CACNA2D3: variants seen among roughly 807,000 people sequenced by gnomAD.
CACNA2D3 encodes voltage-dependent calcium channel subunit alpha-2/delta-3.
In CACNA2D3, 60 loss-of-function variants were observed where a neutral mutation model predicts 160.6. The ratio of observed to expected loss-of-function variants is 0.37; its 90% CI spans 0.30 to 0.46. The LOEUF (loss-of-function observed/expected upper bound fraction) is 0.46, where lower values mean the gene tolerates loss of function less well. CACNA2D3 is among the 20% of genes least tolerant of loss of function. The pLI, the probability that CACNA2D3 is intolerant of heterozygous loss-of-function variation, is 1.00. For synonymous variants in CACNA2D3, 558 were observed against 492.9 expected (o/e 1.13, Z -1.75); for missense variants, 1,205 against 1,365.0 (o/e 0.88, Z 1.85).
intron 3 of CACNA2D3, among the ~76,000 whole-genome samples, chr3:54,379,602 A>C (rs1194522074): frequency 1.3e-5 from 2 of 152,180 alleles, no homozygotes; most frequent in Non-Finnish European, 2.9e-5. Context: ...TCATCCAGTC[A>C]TTGTTGTGGC....
intron 10 of CACNA2D3, among the ~76,000 whole-genome samples, chr3:54,629,332 T>A (rs1481660804): frequency 2.0e-5 from 3 of 152,046 alleles, no homozygotes; most frequent in African/African-American, 7.2e-5. Context: ...TACACCTGAC[T>A]CCAAAACTTG....
intron 35 of CACNA2D3, among the ~76,000 whole-genome samples, chr3:55,027,365 CTGT>C (rs982299495): frequency 7.2e-5 from 11 of 152,100 alleles, no homozygotes; most frequent in African/African-American, 2.4e-4. Context: ...ATTTATGAAG[CTGT>C]TGTTTGGCAT....
intron 29 of CACNA2D3, among the ~76,000 whole-genome samples, chr3:54,970,306 C>G (rs569770787): frequency 8.1e-4 from 123 of 152,222 alleles, no homozygotes; most frequent in African/African-American, 2.8e-3. Flanking sequence ...AACAAAAAAC[C>G]TAGGAGTTAA....
intron 4 of CACNA2D3, 44 bp downstream of exon 4, chr3:54,386,818 G>T (rs369420983): frequency 5.9e-5 from 90 of 1,520,862 alleles, no homozygotes; most frequent in Non-Finnish European, 1.2e-5. Flanking sequence ...TGTGTTTCCT[G>T]CCAAAGGACA....
chr3:54,531,310 A>T (rs1701802515), intron 5 of CACNA2D3, among the ~76,000 whole-genome samples: 1 of 152,234 alleles, frequency 6.6e-6, no homozygotes. Context: ...TCAGAATTAC[A>T]GGTAGTCCTG....
rs950002501 is a variant in CACNA2D3 at position 55,065,400 on chromosome 3, C to T, written c.2988-8045C>T. Among the ~76,000 whole-genome samples, 3 of 152,312 alleles carry T rather than the reference C, an allele frequency of 2.0e-5. No individual in the cohort carries two copies. The South Asian group carries it at 6.2e-4, about 32-fold the overall frequency. ...CCCAACCCCCTACTCCCACTCCAAG[C>T]TTATTTGGCTTAGAAAACGGGCCTG... is the stretch of plus-strand genomic sequence containing the variant. On this transcript the variant is annotated intron_variant, in intron 35 of 37. Coordinates refer to ENST00000474759, the MANE Select transcript of CACNA2D3 (RefSeq NM_018398.3).
chr3:54,759,625 G>A (rs73074128), intron 12 of CACNA2D3, among the ~76,000 whole-genome samples: 4,906 of 152,114 alleles, frequency 0.032, 120 homozygotes, highest in Non-Finnish European at 0.05. Flanking sequence ...TGCATCCCTG[G>A]TCTACATAGT....
At chr3:54,685,869 A>G (rs1310251602) in intron 11 of CACNA2D3, among the ~76,000 whole-genome samples, 2 of 152,166 alleles carry the variant, frequency 1.3e-5, no homozygotes, top group Admixed American at 6.5e-5. Context: ...CTTTCCTACT[A>G]TAATCATTAA....
intron 13 of CACNA2D3, among the ~76,000 whole-genome samples, chr3:54,803,895 A>G (rs1298576728): frequency 1.3e-5 from 2 of 152,244 alleles, no homozygotes; most frequent in Non-Finnish European, 2.9e-5. Context: ...AGTGGGGGCC[A>G]ATATTCAACA....
chr3:54,129,750 T>C (rs771103338), intron 2 of CACNA2D3, among the ~76,000 whole-genome samples: 2 of 152,188 alleles, frequency 1.3e-5, no homozygotes, highest in Admixed American at 6.5e-5. Flanking sequence ...ACCTCGAGTT[T>C]TCCATTTTAG....
chr3:54,634,940 G>A (rs1699332222), intron 10 of CACNA2D3, among the ~76,000 whole-genome samples: 1 of 152,004 alleles, frequency 6.6e-6, no homozygotes, highest in Non-Finnish European at 1.5e-5. Context: ...TGACATTCCT[G>A]CCTTCTTAAT....
At chr3:54,879,716 A>C (rs1312940222) in intron 20 of CACNA2D3, among the ~76,000 whole-genome samples, 1 of 152,212 alleles carries the variant, frequency 6.6e-6, no homozygotes, top group Admixed American at 6.5e-5. Context: ...AGGGTCCTTA[A>C]CTATTGAACT....
chr3:54,193,415 T>TA (rs1701017270), intron 2 of CACNA2D3, among the ~76,000 whole-genome samples: 1 of 152,238 alleles, frequency 6.6e-6, no homozygotes. Flanking sequence ...TGGAATTAGC[T>TA]AGAGCTTCTC....
intron 13 of CACNA2D3, among the ~76,000 whole-genome samples, chr3:54,778,386 T>A (rs560904585): frequency 6.6e-6 from 1 of 152,054 alleles, no homozygotes; most frequent in Non-Finnish European, 1.5e-5. Flanking sequence ...CTGTATTCTC[T>A]CACACCGAGA....
intron 2 of CACNA2D3, among the ~76,000 whole-genome samples, chr3:54,282,875 A>C (rs1408266792): frequency 1.3e-5 from 2 of 152,078 alleles, no homozygotes; most frequent in Non-Finnish European, 2.9e-5. Flanking sequence ...CATCAAATAC[A>C]GTCATTATTA....
chr3:54,806,093 A>C (rs914229989), intron 13 of CACNA2D3, among the ~76,000 whole-genome samples: 1 of 152,202 alleles, frequency 6.6e-6, no homozygotes, highest in Admixed American at 6.5e-5. Context: ...CACAGCCAAT[A>C]TCATACTGAA....
chr3:54,980,128 A>G (rs1575419655), intron 29 of CACNA2D3, among the ~76,000 whole-genome samples: 1 of 152,322 alleles, frequency 6.6e-6, no homozygotes. Context: ...GCCAAGTTTT[A>G]CCTTTGCATT....
At chr3:54,339,596 C>T (rs538039654) in intron 3 of CACNA2D3, among the ~76,000 whole-genome samples, 12 of 152,286 alleles carry the variant, frequency 7.9e-5, no homozygotes, top group African/African-American at 2.9e-4. Context: ...GATAGTGCCT[C>T]CTGTAGTGCA....
intron 4 of CACNA2D3, among the ~76,000 whole-genome samples, chr3:54,465,057 T>G (rs1700595403): frequency 6.6e-6 from 1 of 151,626 alleles, no homozygotes; most frequent in East Asian, 1.9e-4. Context: ...TTCTTCTCCT[T>G]TTTTTTTGGT....
Sources: gnomAD v4.1 joint callset for allele counts (sites outside exome capture counted in the v4.1 genomes callset) on GRCh38, gnomAD v4.1.1 for gene constraint, MANE v1.5 for transcripts, NCBI Gene and HGNC (gene_info 2026-07-23, HGNC 2026-07-21) for gene names.